Variants in CHD2 observed in about 807,000 individuals in gnomAD.
CHD2 encodes the protein chromodomain helicase DNA binding protein 2.
A neutral mutation model predicts 243.9 loss-of-function variants in CHD2; 28 were observed. That is an observed-to-expected ratio of 0.11 (90% CI 0.09 to 0.16). The LOEUF (loss-of-function observed/expected upper bound fraction) is 0.16, where lower values mean the gene tolerates loss of function less well. CHD2 is among the 10% of genes least tolerant of loss of function. The pLI is 1.00. For synonymous variants in CHD2, 775 were observed against 779.0 expected (o/e 0.99, Z 0.09); for missense variants, 1,386 against 2,209.8 (o/e 0.63, Z 7.47).
At chr15:92,933,042 CCTTT>C (rs1395421507) in intron 5 of CHD2, among the ~76,000 whole-genome samples, 6 of 141,798 alleles carry the variant, frequency 4.2e-5, no homozygotes, top group Admixed American at 1.4e-4. Flanking sequence ...GCGCCCGGCC[CCTTT>C]TTTTTTTTTT....
At chr15:92,982,154 A>T (rs778189383) in intron 24 of CHD2, among the ~76,000 whole-genome samples, 1 of 152,234 alleles carries the variant, frequency 6.6e-6, no homozygotes, top group Non-Finnish European at 1.5e-5. Context: ...ATTTGATGGC[A>T]CATTGCCCCA....
intron 34 of CHD2, among the ~76,000 whole-genome samples, chr15:93,005,580 G>A (rs2054310087): frequency 6.6e-6 from 1 of 152,136 alleles, no homozygotes; most frequent in Admixed American, 6.5e-5. Flanking sequence ...CTTCCATCCT[G>A]TGGCAGCAAA....
intron 34 of CHD2, among the ~76,000 whole-genome samples, chr15:93,008,426 A>G (rs2054349512): frequency 6.6e-6 from 1 of 152,026 alleles, no homozygotes; most frequent in African/African-American, 2.4e-5. Flanking sequence ...CAGTTTTTAA[A>G]CCGCTCCCCA....
At position 92,993,258 on chromosome 15, in the gene CHD2, T is replaced by C. The variant is rs1414606265; in HGVS notation, c.3595+260T>C. The C allele has an allele frequency of 2.2e-5, 8 of 357,802 alleles. No individual in the cohort carries two copies. In the East Asian group the frequency reaches 4.0e-4, roughly 18 times the overall value. The allele number at this position is 357,802 out of a possible 1,614,324, so 22.2% of individuals were successfully genotyped here. A position where few individuals can be genotyped will look rare whatever the true frequency, so the allele number is the denominator to read the frequency against. On this transcript the variant is annotated intron_variant, in intron 28 of 38. Coordinates refer to ENST00000394196, the MANE Select transcript of CHD2 (RefSeq NM_001271.4). ...TTTGTGTTGCTGTAGAAAGTTTAAA[T>C]TCGTCGGAGTGATGTAAAAACCCAG... is the stretch of plus-strand genomic sequence containing the variant.
intron 2 of CHD2, among the ~76,000 whole-genome samples, chr15:92,916,379 C>T (rs974708356): frequency 1.3e-5 from 2 of 152,216 alleles, no homozygotes; most frequent in Non-Finnish European, 2.9e-5. Flanking sequence ...CTAGCTGCTG[C>T]ATTTAGTTGC....
At chr15:92,938,177 T>C (rs1298160554) in intron 6 of CHD2, among the ~76,000 whole-genome samples, 4 of 152,214 alleles carry the variant, frequency 2.6e-5, no homozygotes, top group South Asian at 2.1e-4. Flanking sequence ...CCAAATTTCA[T>C]CCACCACCTA....
At position 93,019,343 on chromosome 15, in the gene CHD2, G is replaced by A. The variant is rs558746706; in HGVS notation, c.4907-669G>A. Among the ~76,000 whole-genome samples, 59 of 152,196 alleles carry A rather than the reference G, an allele frequency of 3.9e-4. 1 individual carries two copies. The highest frequency in any genetic ancestry group is 1.4e-3 in the African/African-American group (58 of 41,444). ...TGAATTAGTTTGGTTTTGTTGTTAAGAGTCTGCCACAGATTGGAAGGTTAA... is the reference window on the plus strand; with the variant it reads ...TGAATTAGTTTGGTTTTGTTGTTAAAAGTCTGCCACAGATTGGAAGGTTAA... On this transcript the variant is annotated intron_variant, in intron 37 of 38. Transcript: ENST00000394196.
At chr15:92,911,445 A>G (rs1468698886) in intron 2 of CHD2, among the ~76,000 whole-genome samples, 1 of 152,172 alleles carries the variant, frequency 6.6e-6, no homozygotes, top group African/African-American at 2.4e-5. Flanking sequence ...TTAATGGGTA[A>G]GAGGAAACTT....
chr15:92,981,082 A>G lies in CHD2; in HGVS notation c.2973+171A>G, dbSNP rs116599980. Among the ~76,000 whole-genome samples the G allele has an allele frequency of 2.5e-3, 383 of 152,294 alleles. 4 individuals carry two copies. Among genetic ancestry groups the G allele is most frequent in the African/African-American group, 8.8e-3 (364 of 41,546 alleles). On this transcript the variant is annotated intron_variant, in intron 23 of 38. Transcript: ENST00000394196. The stretch of plus-strand genomic sequence containing the variant: ...CATAGCTCTTACCAAATTGAGTAGG[A>G]AGGAATTAATAAAGCATTCGAGTAT...
intron 2 of CHD2, among the ~76,000 whole-genome samples, chr15:92,911,801 C>G (rs12904071): frequency 0.4 from 61,245 of 151,888 alleles, 12,600 homozygotes; most frequent in Admixed American, 0.45. Flanking sequence ...TATGAGACTG[C>G]GGAAAATAGT....
intron 16 of CHD2, among the ~76,000 whole-genome samples, chr15:92,964,831 A>G (rs959534184): frequency 2.0e-5 from 3 of 152,246 alleles, no homozygotes; most frequent in African/African-American, 7.2e-5. Context: ...CTTACCGCAG[A>G]AAACAAGTCA....
In CHD2 at chr15:92,998,840, T is replaced by G. The variant is rs1389575347; in HGVS notation, c.4008+219T>G. ...GGCTCATGCCTGTAATCCCAGCACTTTGGGAGGCTGAGGCGGGCGGATCAC... is the reference window on the plus strand; with the variant it reads ...GGCTCATGCCTGTAATCCCAGCACTGTGGGAGGCTGAGGCGGGCGGATCAC... On this transcript the variant is annotated intron_variant, in intron 31 of 38. Coordinates refer to ENST00000394196, the MANE Select transcript of CHD2 (RefSeq NM_001271.4). This position sits in a 1 kb window ranked among gnomAD's most constrained non-coding sequence, Gnocchi z 5.1. Among the ~76,000 whole-genome samples, 1 of 152,044 alleles carries G rather than the reference T, an allele frequency of 6.6e-6. No individual in the cohort carries two copies. Among genetic ancestry groups the G allele is most frequent in the Non-Finnish European group, 1.5e-5 (1 of 67,984 alleles).
intron 2 of CHD2, among the ~76,000 whole-genome samples, chr15:92,916,442 G>A (rs140315529): frequency 7.9e-4 from 120 of 152,290 alleles, no homozygotes; most frequent in African/African-American, 2.7e-3. Flanking sequence ...TGGGTATATG[G>A]ATTATTTAGG....
At chr15:92,916,057 A>G (rs2052828865) in intron 2 of CHD2, among the ~76,000 whole-genome samples, 1 of 152,238 alleles carries the variant, frequency 6.6e-6, no homozygotes, top group African/African-American at 2.4e-5. Flanking sequence ...AGGCTAATCA[A>G]GAGACTTAAA....
At chr15:92,909,127 A>G (rs1303980870) in intron 2 of CHD2, among the ~76,000 whole-genome samples, 1 of 152,004 alleles carries the variant, frequency 6.6e-6, no homozygotes, top group South Asian at 2.1e-4. Flanking sequence ...AAAAAAAAGA[A>G]AAAAGATAAA....
chr15:92,917,517 C>T lies in CHD2; in HGVS notation c.63-6804C>T, dbSNP rs540473136. Reference sequence around the variant, plus strand: ...CGGAGGTTACGGTGAGCCGAGATCACGCCACTGCACTCCAGCCTGGGCTAC... The same window carrying T: ...CGGAGGTTACGGTGAGCCGAGATCATGCCACTGCACTCCAGCCTGGGCTAC... On this transcript the variant is annotated intron_variant, in intron 2 of 38. Coordinates refer to ENST00000394196, the MANE Select transcript of CHD2 (RefSeq NM_001271.4). Among the ~76,000 whole-genome samples, 17 of 152,290 alleles carry T rather than the reference C, an allele frequency of 1.1e-4. No individual in the cohort carries two copies. The East Asian group carries it at 2.7e-3, about 24-fold the overall frequency.
chr15:92,938,612 G>T (rs144579648), intron 6 of CHD2, among the ~76,000 whole-genome samples: 1 of 152,094 alleles, frequency 6.6e-6, no homozygotes, highest in Non-Finnish European at 1.5e-5. Flanking sequence ...GAACTGTCAC[G>T]CCAGTTCTGT....
intron 10 of CHD2, 52 bp downstream of exon 10, chr15:92,944,567 C>T (rs1184075998): frequency 2.2e-6 from 2 of 912,526 alleles, no homozygotes; most frequent in Admixed American, 4.6e-5. Flanking sequence ...GGAATAGTGG[C>T]TTTTGCTTTT....
chr15:92,935,097 C>T (rs1428755019), intron 5 of CHD2, among the ~76,000 whole-genome samples: 2 of 150,824 alleles, frequency 1.3e-5, no homozygotes, highest in Non-Finnish European at 3.0e-5. Flanking sequence ...GTGCAGTGGC[C>T]CGATCTCGGC....
Sources: allele counts gnomAD v4.1 joint callset (sites outside exome capture counted in the v4.1 genomes callset), GRCh38; gene constraint gnomAD v4.1.1; non-coding constraint Gnocchi (gnomAD v3.1); transcripts MANE v1.5; gene names NCBI Gene and HGNC (gene_info 2026-07-23, HGNC 2026-07-21).